Variants in MBIP observed in about 807,000 individuals in gnomAD.
MBIP encodes the protein MAP3K12-binding inhibitory protein 1.
Under a neutral mutation model 45.7 loss-of-function variants are expected in MBIP, and 32 were observed. The ratio of observed to expected loss-of-function variants is 0.70; its 90% confidence interval spans 0.53 to 0.94. MBIP has a LOEUF of 0.94. MBIP is among the 40% of genes least tolerant of loss of function. The pLI, the probability that MBIP is intolerant of heterozygous loss-of-function variation, is 0.00. For missense variants in MBIP, 381 were observed against 405.5 expected, an observed-to-expected ratio of 0.94 and a Z score of 0.52; for synonymous variants, 145 against 141.0, an observed-to-expected ratio of 1.03 and a Z score of -0.20.
rs1034494992 is a variant in MBIP, at chr14:36,314,790, T to C, written c.375A>G (p.Gln125=). 5 of 1,613,686 alleles carry C rather than the reference T, an allele frequency of 3.1e-6. No homozygotes were observed. The highest frequency in any genetic ancestry group is 4.2e-6 in the Non-Finnish European group (5 of 1,179,752). Residue 125 remains glutamine (Q), a synonymous_variant, in exon 3 of 9, where the codon CAA becomes CAG. Coordinates refer to ENST00000416007, the MANE Select transcript of MBIP (RefSeq NM_016586.3). ...CACTTTCTTTGTGCTTTTCTTCCTC[T>C]TGTAGGTCGCCAATGGAAAATTTGT... ...VNDKFSIGDL[Q]EEEKHKESDL... is the part of the protein sequence containing the mutation.
At chr14:36,316,163 GGAAAA>G (rs1350387724) in intron 2 of MBIP, among the ~76,000 whole-genome samples, 5 of 152,212 alleles carry the variant, frequency 3.3e-5, no homozygotes. Context: ...AAACTGTTAA[GGAAAA>G]GAAATGATAA....
At chr14:36,303,995 A>C (rs1338105685) in intron 7 of MBIP, among the ~76,000 whole-genome samples, 1 of 152,136 alleles carries the variant, frequency 6.6e-6, no homozygotes, top group African/African-American at 2.4e-5. Context: ...CTCTTTCTCT[A>C]AAACTTAATT....
At chr14:36,311,424 T>C (rs764616050) in intron 6 of MBIP, 149 bp downstream of exon 6, 19 of 601,868 alleles carry the variant, frequency 3.2e-5, no homozygotes, top group African/African-American at 2.8e-4. Context: ...TTTAAGTGAA[T>C]TGACATACAC....
At chr14:36,309,673 C>CG in intron 6 of MBIP, among the ~76,000 whole-genome samples, 1 of 152,314 alleles carries the variant, frequency 6.6e-6, no homozygotes, top group African/African-American at 2.4e-5. Context: ...TTGCTGCTCC[C>CG]TTTACCTACA....
In MBIP at chr14:36,300,830, T is replaced by TA. The variant is rs79987603; in HGVS notation, c.889-8dup. On this transcript the variant is annotated splice_polypyrimidine_tract_variant and splice_region_variant and intron_variant, in intron 7 of 8. Coordinates refer to ENST00000416007, the MANE Select transcript of MBIP (RefSeq NM_016586.3). ...TTCTTTTTCCAGAAAAGCTCTAGAT[T>TA]AAAAAAAAAAAGGTAATGTTTAGAA... The TA allele has an allele frequency of 0.019, 22,600 of 1,180,206 alleles. 8 individuals carry two copies. The highest frequency in any genetic ancestry group is 0.021 in the Non-Finnish European group (18,117 of 865,802). 73.1% of individuals were successfully genotyped at this position (1,180,206 alleles called of 1,614,324 possible). A position where few individuals can be genotyped will look rare whatever the true frequency, so the allele number is the denominator to read the frequency against.
At chr14:36,299,211 A>C (rs1879380847) in intron 8 of MBIP, 21 bp from the exon 9 acceptor site, 10 of 1,516,050 alleles carry the variant, frequency 6.6e-6, no homozygotes, top group Non-Finnish European at 9.2e-6. Flanking sequence ...TAACGACACA[A>C]ATTGCTGAAT....
chr14:36,300,645 T>C, intron 8 of MBIP, 140 bp downstream of exon 8: 1 of 561,346 alleles, frequency 1.8e-6, no homozygotes, highest in East Asian at 3.1e-5. Flanking sequence ...ACTGTATTAG[T>C]TTATACTGCC....
chr14:36,320,557 C>A lies in MBIP; in HGVS notation c.32G>T (p.Ser11Ile). 1 of 1,613,462 alleles carries A rather than the reference C, an allele frequency of 6.2e-7. No homozygotes were observed. ...TCGCTCCAGGTTCCTGTCACCGCTG[C>A]TCGGGCGATTAAGCTCCGTGGCAGC... MAAATELNRP[S>I]SGDRNLERRC... Residue 11 changes from serine to isoleucine, a missense_variant, in exon 1 of 9, where the codon AGC becomes ATC. Physicochemically the swap from Ser to Ile is moderately radical, Grantham distance 142. Transcript: ENST00000416007.
At position 36,298,918 on chromosome 14, in the gene MBIP, C is replaced by G. The variant is rs896440055; in HGVS notation, c.*165G>C. 3 of 470,400 alleles carry G rather than the reference C, an allele frequency of 6.4e-6. No individual in the cohort carries two copies. The highest frequency in any genetic ancestry group is 2.0e-5 in the African/African-American group (1 of 50,080). 29.1% of individuals were successfully genotyped at this position (470,400 alleles called of 1,614,324 possible). A position where few individuals can be genotyped will look rare whatever the true frequency, so the allele number is the denominator to read the frequency against. The stretch of plus-strand genomic sequence containing the variant: ...AATGCATTCATTATTTCAAAACTTA[C>G]TGGAATATTTGAAGATTACTTGCTG... On this transcript the variant is annotated 3_prime_UTR_variant, in exon 9 of 9. Coordinates refer to ENST00000416007, the MANE Select transcript of MBIP (RefSeq NM_016586.3).
At chr14:36,306,957 G>A (rs570663471) in intron 7 of MBIP, among the ~76,000 whole-genome samples, 2 of 152,310 alleles carry the variant, frequency 1.3e-5, no homozygotes, top group East Asian at 1.9e-4. Context: ...ACTTTTCCAC[G>A]TTTATACAGC....
At chr14:36,300,260 C>A (rs972675972) in intron 8 of MBIP, among the ~76,000 whole-genome samples, 1 of 152,134 alleles carries the variant, frequency 6.6e-6, no homozygotes, top group African/African-American at 2.4e-5. Context: ...TATCAAAAAA[C>A]TTACTCAGAA....
chr14:36,314,548 C>A lies in MBIP; in HGVS notation c.535G>T (p.Val179Phe). 6.2e-7 allele frequency: 1 copy of A among 1,610,332 alleles called. No individual in the cohort carries two copies. The highest frequency in any genetic ancestry group is 8.5e-7 in the Non-Finnish European group (1 of 1,178,702). The change falls in exon 4 of 9, where the codon GTC (valine) becomes TTC (phenylalanine). Residue 179 changes from valine to phenylalanine, a missense_variant. Physicochemically the swap from Val to Phe is conservative, Grantham distance 50 (BLOSUM62 -1). Coordinates refer to ENST00000416007, the MANE Select transcript of MBIP (RefSeq NM_016586.3). ...RKQAEINENNVREFCNVIDCN... is the reference protein window; with the variant it reads ...RKQAEINENNFREFCNVIDCN... ...TCAATAACATTGCAAAATTCCCTGA[C>A]GTTGTTTTCATTGATTTCAGCTTGC...
intron 1 of MBIP, among the ~76,000 whole-genome samples, chr14:36,317,461 A>C (rs959738619): frequency 1.3e-5 from 2 of 152,166 alleles, no homozygotes; most frequent in African/African-American, 4.8e-5. Flanking sequence ...CTGAAAAACA[A>C]AGACTTCTCC....
chr14:36,301,620 T>G (rs1413206059), intron 7 of MBIP, among the ~76,000 whole-genome samples: 1 of 152,270 alleles, frequency 6.6e-6, no homozygotes, highest in Non-Finnish European at 1.5e-5. Flanking sequence ...ACAATTATGA[T>G]TTAGCCACTG....
chr14:36,319,587 T>C (rs931400974), intron 1 of MBIP: 2 of 444,860 alleles, frequency 4.5e-6, no homozygotes. Flanking sequence ...GAATTTACCA[T>C]TATCTTTGAC....
In MBIP at chr14:36,311,943, TGTG is replaced by T; in HGVS notation, c.637+13_637+15del. The T allele has an allele frequency of 6.4e-7, 1 of 1,567,010 alleles. No homozygotes were observed. The highest frequency in any genetic ancestry group is 8.7e-7 in the Non-Finnish European group (1 of 1,151,470). ...ACTTCTGTCAGTGACTCAGATGTCA[TGTG>T]GTGGTTACTTACCTTTTACGTGACT... On this transcript the variant is annotated intron_variant, in intron 5 of 8. Coordinates refer to ENST00000416007, the MANE Select transcript of MBIP (RefSeq NM_016586.3).
intron 2 of MBIP, among the ~76,000 whole-genome samples, chr14:36,315,226 CTTTTA>C (rs1248752696): frequency 2.0e-5 from 3 of 152,096 alleles, no homozygotes; most frequent in Non-Finnish European, 4.4e-5. Flanking sequence ...TGTCACTCAT[CTTTTA>C]TTTTGTGCCA....
chr14:36,320,631 T>A lies in MBIP; in HGVS notation c.-43A>T. ...CCCCACCACCACCACCACCAAGATT[T>A]GCTCACAACCCCGCCCCCTCCCTTC... On this transcript the variant is annotated 5_prime_UTR_variant, in exon 1 of 9. Coordinates refer to ENST00000416007, the MANE Select transcript of MBIP (RefSeq NM_016586.3). 6.4e-7 allele frequency: 1 copy of A among 1,564,590 alleles called. No individual in the cohort carries two copies. Among genetic ancestry groups the A allele is most frequent in the Non-Finnish European group, 8.7e-7 (1 of 1,156,018 alleles).
chr14:36,303,886 G>A (rs1879721133), intron 7 of MBIP, among the ~76,000 whole-genome samples: 1 of 152,100 alleles, frequency 6.6e-6, no homozygotes, highest in Non-Finnish European at 1.5e-5. Flanking sequence ...CTCTGGCTTG[G>A]ATAATGACAT....
Sources: allele counts gnomAD v4.1 joint callset (sites outside exome capture counted in the v4.1 genomes callset), GRCh38; gene constraint gnomAD v4.1.1; transcripts MANE v1.5; gene names NCBI Gene and HGNC (gene_info 2026-07-23, HGNC 2026-07-21).